AGBL1: variants seen among roughly 807,000 people sequenced by gnomAD.
AGBL1 encodes cytosolic carboxypeptidase 4.
Under a neutral mutation model 118.9 loss-of-function variants are expected in AGBL1, and 130 were observed. That is an observed-to-expected ratio of 1.09 (90% CI 0.95 to 1.26). The LOEUF is 1.26. Among genes scored for constraint, AGBL1 ranks in the 50% most tolerant of loss-of-function variants. AGBL1 has a pLI of 0.00. For missense variants in AGBL1, 1,584 were observed against 1,298.1 expected (o/e 1.22, Z -3.38); for synonymous variants, 555 against 478.9 (o/e 1.16, Z -2.08).
intron 21 of AGBL1, among the ~76,000 whole-genome samples, chr15:86,663,915 C>T (rs1248391813): frequency 6.6e-6 from 1 of 152,130 alleles, no homozygotes; most frequent in African/African-American, 2.4e-5. Flanking sequence ...CTCTGATTCA[C>T]ATTTACCCTC....
In AGBL1 at chr15:86,264,311, C is replaced by T. The variant is rs10520617; in HGVS notation, c.1140C>T (p.Ala380=). ...TGAACTCTGAAAAGACTCAGTATGC[C>T]AATCACCACCACATTCCAGCCGCTG... ...DDLNSEKTQY[A]NHHHIPAAAS... is the part of the protein sequence containing the mutation. The change falls in exon 11 of 23, where the codon GCC becomes GCT. Residue 380 remains alanine (A), a synonymous_variant. Transcript: ENST00000614907. The T allele has an allele frequency of 0.18, 295,044 of 1,609,266 alleles. 28,342 individuals carry two copies. The highest frequency in any genetic ancestry group is 0.22 in the Admixed American group (13,268 of 59,156).
intron 17 of AGBL1, chr15:86,295,707 C>T (rs1321413346): frequency 4.7e-6 from 1 of 214,584 alleles, no homozygotes; most frequent in East Asian, 1.0e-4. Context: ...ATCATATTTT[C>T]CAACTTCTAA....
intron 18 of AGBL1, among the ~76,000 whole-genome samples, chr15:86,502,443 T>C (rs556263074): frequency 6.6e-6 from 1 of 151,592 alleles, no homozygotes; most frequent in African/African-American, 2.4e-5. Context: ...TTGCATAATT[T>C]CTCTGGCTAG....
chr15:86,217,515 T>C (rs2078208996), intron 5 of AGBL1, among the ~76,000 whole-genome samples: 1 of 151,952 alleles, frequency 6.6e-6, no homozygotes, highest in South Asian at 2.1e-4. Flanking sequence ...GCAAACTAAA[T>C]TGTGCAATGA....
intron 18 of AGBL1, among the ~76,000 whole-genome samples, chr15:86,471,210 A>G: frequency 6.6e-6 from 1 of 152,150 alleles, no homozygotes; most frequent in East Asian, 1.9e-4. Flanking sequence ...TAATATTAAG[A>G]TAGTTTTCTT....
chr15:86,714,910 C>T (rs534475653), intron 22 of AGBL1, among the ~76,000 whole-genome samples: 1 of 152,122 alleles, frequency 6.6e-6, no homozygotes, highest in East Asian at 1.9e-4. Flanking sequence ...GTCTGCACTC[C>T]AAGTATTTTA....
chr15:86,215,070 T>C (rs978260193), intron 5 of AGBL1, among the ~76,000 whole-genome samples: 2 of 152,156 alleles, frequency 1.3e-5, no homozygotes, highest in Admixed American at 6.5e-5. Flanking sequence ...ATATGTTTAT[T>C]ATGCTTTTTC....
At chr15:86,401,142 A>G (rs554132979) in intron 18 of AGBL1, among the ~76,000 whole-genome samples, 1 of 152,284 alleles carries the variant, frequency 6.6e-6, no homozygotes, top group South Asian at 2.1e-4. Context: ...TTTTTTAATT[A>G]TGACAATTGT....
chr15:86,158,517 C>T (rs1054826197), intron 4 of AGBL1, among the ~76,000 whole-genome samples: 3 of 152,160 alleles, frequency 2.0e-5, no homozygotes, highest in Non-Finnish European at 4.4e-5. Flanking sequence ...GAATAGGGTA[C>T]TGGGAATGTT....
chr15:86,754,653 G>A (rs893775021), intron 22 of AGBL1, among the ~76,000 whole-genome samples: 7 of 152,038 alleles, frequency 4.6e-5, no homozygotes, highest in Admixed American at 3.9e-4. Context: ...GAAAGCATCA[G>A]CCTGGCCTCT....
At chr15:86,468,266 T>C (rs1353111345) in intron 18 of AGBL1, among the ~76,000 whole-genome samples, 1 of 152,146 alleles carries the variant, frequency 6.6e-6, no homozygotes, top group Non-Finnish European at 1.5e-5. Context: ...TGGTCCTAAA[T>C]TGGATCTTTA....
At chr15:86,773,208 C>A (rs550349084) in intron 22 of AGBL1, among the ~76,000 whole-genome samples, 3 of 152,158 alleles carry the variant, frequency 2.0e-5, no homozygotes, top group South Asian at 2.1e-4. Context: ...GAGAAACGAA[C>A]TATCCAGGTG....
At chr15:86,726,449 T>C (rs1031749128) in intron 22 of AGBL1, among the ~76,000 whole-genome samples, 4 of 152,188 alleles carry the variant, frequency 2.6e-5, no homozygotes, top group Non-Finnish European at 5.9e-5. Context: ...GGTTTCTCCA[T>C]CTATATAAAG....
chr15:86,688,035 G>A (rs766931290), intron 22 of AGBL1, among the ~76,000 whole-genome samples: 56 of 152,238 alleles, frequency 3.7e-4, no homozygotes, highest in Admixed American at 1.7e-3. Flanking sequence ...TGAGAACAGG[G>A]CATGAAATGA....
chr15:86,928,920 A>G (rs893769175), intron 23 of AGBL1, among the ~76,000 whole-genome samples: 1 of 152,128 alleles, frequency 6.6e-6, no homozygotes, highest in African/African-American at 2.4e-5. Context: ...TGAATTTACC[A>G]TTTAACCATT....
rs550061833 is a variant in AGBL1, at chr15:86,401,614, G to A, written c.2555+4068G>A. On this transcript the variant is annotated intron_variant, in intron 18 of 22. Coordinates refer to ENST00000614907, the MANE Select transcript of AGBL1 (RefSeq NM_001386094.1). ...GATTTAAGTCTTTGATCCATCTTGA[G>A]TTGATTTTTATATAAGGTGAAAGAT... Among the ~76,000 whole-genome samples, 97 of 152,218 alleles carry A rather than the reference G, an allele frequency of 6.4e-4. 1 individual carries two copies. In the South Asian group the frequency reaches 0.019, roughly 31 times the overall value.
intron 18 of AGBL1, among the ~76,000 whole-genome samples, chr15:86,442,156 G>T (rs1406004873): frequency 6.6e-6 from 1 of 152,242 alleles, no homozygotes; most frequent in Non-Finnish European, 1.5e-5. Flanking sequence ...CAGCTATGTG[G>T]TGTGTGGTAT....
intron 22 of AGBL1, among the ~76,000 whole-genome samples, chr15:86,831,512 G>A (rs2079103069): frequency 6.6e-6 from 1 of 152,170 alleles, no homozygotes; most frequent in African/African-American, 2.4e-5. Context: ...AAACAAAGGG[G>A]CTACATGCAA....
intron 23 of AGBL1, chr15:86,946,186 T>G (rs145716392): frequency 6.6e-6 from 1 of 152,206 alleles, no homozygotes; most frequent in Non-Finnish European, 1.5e-5. Flanking sequence ...TTACAGGCAG[T>G]GTTAAGGGGC....
Sources: gnomAD v4.1 joint callset for allele counts (sites outside exome capture counted in the v4.1 genomes callset) on GRCh38, gnomAD v4.1.1 for gene constraint, MANE v1.5 for transcripts, NCBI Gene and HGNC (gene_info 2026-07-23, HGNC 2026-07-21) for gene names.